SLC5A4: variants seen among roughly 807,000 people sequenced by gnomAD.
SLC5A4 encodes the protein probable glucose sensor protein SLC5A4.
A neutral mutation model predicts 70.3 loss-of-function variants in SLC5A4; 55 were observed. The observed-to-expected ratio is 0.78, with a 90% CI of 0.63 to 0.98. The LOEUF is 0.98. SLC5A4 is among the 50% of genes least tolerant of loss of function. The pLI is 0.00. For missense variants in SLC5A4, 735 were observed against 839.2 expected, an observed-to-expected ratio of 0.88 and a Z score of 1.53; for synonymous variants, 268 against 305.7, an observed-to-expected ratio of 0.88 and a Z score of 1.29.
the SLC5A4 span, among the ~76,000 whole-genome samples, chr22:32,329,319 G>A: frequency 2.0e-5 from 3 of 152,184 alleles, no homozygotes; most frequent in Admixed American, 6.5e-5. Context: ...TTTCTGTGAG[G>A]ACATGAGACA....
chr22:32,275,684 G>A, the SLC5A4 span, among the ~76,000 whole-genome samples: 3 of 152,174 alleles, frequency 2.0e-5, no homozygotes, highest in Non-Finnish European at 4.4e-5. Flanking sequence ...ACATACATGT[G>A]CATGTGTCTT....
rs1925274216 is a variant in SLC5A4 at position 32,224,402 on chromosome 22, A to T, written c.1530T>A (p.Ser510Arg). Reference protein sequence around the residue: ...MITEFAYGTGSCLAPSNCPKI... With the variant: ...MITEFAYGTGRCLAPSNCPKI... ...TGGGACAGTTACTGGGAGCCAAGCA[A>T]CTCCCTGTTCCATAAGCAAACTCTG... Residue 510 changes from serine (S) to arginine (R), a missense_variant, in exon 13 of 15, where the codon AGT becomes AGA. Ser to Arg is a moderately radical substitution (Grantham distance 110, BLOSUM62 -1). Transcript: ENST00000266086. 4 of 1,613,572 alleles carry T rather than the reference A, an allele frequency of 2.5e-6. No individual in the cohort carries two copies. Among genetic ancestry groups the T allele is most frequent in the African/African-American group, 2.7e-5 (2 of 74,840 alleles).
rs147624948 is a variant in SLC5A4 at position 32,224,072 on chromosome 22, C to T, written c.1665+195G>A. ...AGCAGCTGGGATTACAGGTGCCCAC[C>T]ACCACACCCAGCTAATTTTTTGTAT... On this transcript the variant is annotated intron_variant, in intron 13 of 14. Transcript: ENST00000266086. Among the ~76,000 whole-genome samples, 298 of 152,250 alleles carry T rather than the reference C, an allele frequency of 2.0e-3. 2 individuals are homozygous for T. Among genetic ancestry groups the T allele is most frequent in the African/African-American group, 7.0e-3 (289 of 41,550 alleles).
the SLC5A4 span, among the ~76,000 whole-genome samples, chr22:32,335,930 G>A: frequency 0.14 from 21,203 of 152,196 alleles, 2,018 homozygotes; most frequent in African/African-American, 0.27. Flanking sequence ...TCATTGTCAC[G>A]GGAGCCGAAA....
chr22:32,282,295 C>T, the SLC5A4 span, among the ~76,000 whole-genome samples: 2 of 152,126 alleles, frequency 1.3e-5, no homozygotes, highest in Non-Finnish European at 2.9e-5. Context: ...AACCCAAAAC[C>T]CAGGGTCGGC....
the SLC5A4 span, among the ~76,000 whole-genome samples, chr22:32,305,998 A>C: frequency 6.2e-3 from 945 of 151,962 alleles, 7 homozygotes; most frequent in African/African-American, 0.018. Flanking sequence ...GTTCCCCCTA[A>C]CACCACCTTG....
At chr22:32,291,189 CTTTGTG>C in the SLC5A4 span, among the ~76,000 whole-genome samples, 1 of 93,192 alleles carries the variant, frequency 1.1e-5, no homozygotes, top group East Asian at 2.9e-4. Context: ...TTTTTATATA[CTTTGTG>C]TTTGACTGTT....
At chr22:32,232,778 A>C in intron 9 of SLC5A4, 121 bp downstream of exon 9, 1 of 1,282,834 alleles carries the variant, frequency 7.8e-7, no homozygotes, top group Non-Finnish European at 1.1e-6. Flanking sequence ...TGCTCCCTCC[A>C]CCTGGAAGTC....
At chr22:32,270,511 C>T in the SLC5A4 span, 17 of 723,528 alleles carry the variant, frequency 2.3e-5, no homozygotes, top group African/African-American at 1.0e-4. Flanking sequence ...CAATGACCAC[C>T]GCAGACAGTG....
the SLC5A4 span, among the ~76,000 whole-genome samples, chr22:32,266,134 A>T: frequency 1.3e-5 from 2 of 152,198 alleles, no homozygotes; most frequent in Admixed American, 1.3e-4. Flanking sequence ...GAAGGGGGAA[A>T]CTTTGCCTTT....
chr22:32,251,931 T>C (rs1927190604), intron 2 of SLC5A4, 57 bp from the exon 3 acceptor site: 2 of 1,303,712 alleles, frequency 1.5e-6, no homozygotes, highest in African/African-American at 1.4e-5. Flanking sequence ...TCAGACTTCT[T>C]GAAAATAGAC....
At chr22:32,269,432 G>A in the SLC5A4 span, 35 of 486,924 alleles carry the variant, frequency 7.2e-5, no homozygotes, top group Non-Finnish European at 1.1e-4. The surrounding 1 kb of genome is among the most constrained non-coding windows in gnomAD (Gnocchi z 4.1). Flanking sequence ...CATCATCATC[G>A]CCCTGCAGTT....
At chr22:32,310,455 G>A in the SLC5A4 span, among the ~76,000 whole-genome samples, 1 of 152,166 alleles carries the variant, frequency 6.6e-6, no homozygotes, top group Non-Finnish European at 1.5e-5. Flanking sequence ...ACACAGCTGT[G>A]GCTGCCCCAG....
the SLC5A4 span, among the ~76,000 whole-genome samples, chr22:32,317,931 T>C: frequency 6.6e-6 from 1 of 152,198 alleles, no homozygotes; most frequent in Non-Finnish European, 1.5e-5. Context: ...CCCAACAGGC[T>C]TTTCTTCCAA....
chr22:32,333,204 C>T, the SLC5A4 span, among the ~76,000 whole-genome samples: 11 of 149,154 alleles, frequency 7.4e-5, no homozygotes, highest in Non-Finnish European at 1.5e-5. Flanking sequence ...GCACCCCCCC[C>T]CCAGAAGACT....
chr22:32,317,235 T>C, the SLC5A4 span, among the ~76,000 whole-genome samples: 1 of 151,692 alleles, frequency 6.6e-6, no homozygotes, highest in Non-Finnish European at 1.5e-5. Flanking sequence ...AAATATATAT[T>C]TAAGGACCTG....
At chr22:32,297,040 G>T in the SLC5A4 span, among the ~76,000 whole-genome samples, 1 of 149,376 alleles carries the variant, frequency 6.7e-6, no homozygotes, top group African/African-American at 2.5e-5. Context: ...TTGATGTGCT[G>T]CTGGATTCGT....
the SLC5A4 span, chr22:32,270,857 C>T: frequency 5.4e-6 from 3 of 552,412 alleles, no homozygotes; most frequent in Non-Finnish European, 1.0e-5. Context: ...CCTGGTGCTG[C>T]ACAAGCCCCC....
chr22:32,239,554 A>ATATATATATATATATATATATT (rs1926322052), intron 5 of SLC5A4, among the ~76,000 whole-genome samples: 3 of 16,844 alleles, frequency 1.8e-4, no homozygotes, highest in South Asian at 1.4e-3. Context: ...ATATATATAT[A>ATATATATATATATATATATATT]TATATATATA....
Sources: allele counts gnomAD v4.1 joint callset (sites outside exome capture counted in the v4.1 genomes callset), GRCh38; gene constraint gnomAD v4.1.1; non-coding constraint Gnocchi (gnomAD v3.1); transcripts MANE v1.5; gene names NCBI Gene and HGNC (gene_info 2026-07-23, HGNC 2026-07-21).